The following MAP3K3 variants were observed in gnomAD, a reference collection of about 807,000 sequenced individuals.
MAP3K3 encodes MAP/ERK kinase kinase 3.
In MAP3K3, 12 loss-of-function variants were observed where a neutral mutation model predicts 80.9. The observed-to-expected ratio is 0.15, with a 90% CI of 0.10 to 0.24. The LOEUF (loss-of-function observed/expected upper bound fraction) is 0.24, where lower values mean the gene tolerates loss of function less well. Among genes scored for constraint, MAP3K3 ranks in the 10% least tolerant of loss-of-function variants. The probability of loss-of-function intolerance (pLI) is 1.00; values close to 1 mark genes in which losing one functional copy is unlikely to be tolerated. For missense variants in MAP3K3, 596 were observed against 834.7 expected, an observed-to-expected ratio of 0.71 and a Z score of 3.52; for synonymous variants, 272 against 307.1, an observed-to-expected ratio of 0.89 and a Z score of 1.19.
intron 1 of MAP3K3, among the ~76,000 whole-genome samples, chr17:63,627,481 C>T (rs28667278): frequency 0.034 from 5,182 of 150,582 alleles, 323 homozygotes; most frequent in African/African-American, 0.12. Context: ...TTTGCCCTGT[C>T]ACCTAGGCTT....
At chr17:63,657,479 T>C (rs2034794899) in intron 4 of MAP3K3, among the ~76,000 whole-genome samples, 1 of 152,110 alleles carries the variant, frequency 6.6e-6, no homozygotes, top group African/African-American at 2.4e-5. Context: ...AGTGGTTGCC[T>C]GGGGCTGGAG....
At position 63,667,020 on chromosome 17, in the gene MAP3K3, C is replaced by T; in HGVS notation, c.462C>T (p.Ile154=). 6.2e-7 allele frequency: 1 copy of T among 1,611,880 alleles called. No homozygotes were observed. Among genetic ancestry groups the T allele is most frequent in the Non-Finnish European group, 8.5e-7 (1 of 1,179,524 alleles). Residue 154 remains isoleucine, a synonymous_variant, in exon 6 of 16, where the codon ATC becomes ATT. Coordinates refer to ENST00000361733, the MANE Select transcript of MAP3K3 (RefSeq NM_002401.5). ...AGTCCGCAGGGGATATAAATACTAT[C>T]TACCAGCCCCCCGAGCCCAGAAGCA... ...ASQSAGDINT[I]YQPPEPRSRH... is the part of the protein sequence containing the mutation.
rs1262760437 is a variant in MAP3K3, at chr17:63,696,138, C to G, written c.*2361C>G. 6.9e-6 allele frequency: 1 copy of G among 145,428 alleles called. No individual in the cohort carries two copies. The highest frequency in any genetic ancestry group is 1.6e-5 in the Non-Finnish European group (1 of 64,400). 9.0% of individuals were successfully genotyped at this position (145,428 alleles called of 1,614,324 possible). A position where few individuals can be genotyped will look rare whatever the true frequency, so the allele number is the denominator to read the frequency against. ...CTCTGCCACCCTCCTGCCCCTTCCACCCACCCCAGCTCTATGTCTGTGTCT... is the reference window on the plus strand; with the variant it reads ...CTCTGCCACCCTCCTGCCCCTTCCAGCCACCCCAGCTCTATGTCTGTGTCT... On this transcript the variant is annotated 3_prime_UTR_variant, in exon 16 of 16. Transcript: ENST00000361733.
intron 2 of MAP3K3, among the ~76,000 whole-genome samples, chr17:63,642,525 G>A (rs1160181906): frequency 2.0e-5 from 3 of 151,992 alleles, no homozygotes; most frequent in Non-Finnish European, 2.9e-5. Context: ...AGGCATGGTG[G>A]TGCATGCCTG....
intron 4 of MAP3K3, among the ~76,000 whole-genome samples, chr17:63,656,272 T>C (rs570390488): frequency 6.6e-6 from 1 of 150,840 alleles, no homozygotes; most frequent in Non-Finnish European, 1.5e-5. Flanking sequence ...CTGTGTAAGT[T>C]AATTGGACTT....
intron 6 of MAP3K3, 98 bp from the exon 7 acceptor site, chr17:63,681,668 T>C (rs1012619458): frequency 5.7e-5 from 67 of 1,181,618 alleles, no homozygotes; most frequent in Non-Finnish European, 7.3e-5. Flanking sequence ...CTGAGTCACA[T>C]TCCTGACCTC....
intron 2 of MAP3K3, among the ~76,000 whole-genome samples, chr17:63,640,363 T>A (rs914954137): frequency 6.6e-6 from 1 of 152,140 alleles, no homozygotes; most frequent in East Asian, 1.9e-4. Context: ...ATGGCTAGAT[T>A]GAGTTTGAGA....
Position 63,689,491 on chromosome 17 carries a change from G to A in MAP3K3, c.872-53G>A, listed in dbSNP as rs1252430793. 10 of 1,524,436 alleles carry A rather than the reference G, an allele frequency of 6.6e-6. No homozygotes were observed. Among genetic ancestry groups the A allele is most frequent in the East Asian group, 4.7e-5 (2 of 42,492 alleles). 94.4% of individuals were successfully genotyped at this position (1,524,436 alleles called of 1,614,324 possible). A position where few individuals can be genotyped will look rare whatever the true frequency, so the allele number is the denominator to read the frequency against. On this transcript the variant is annotated intron_variant, in intron 10 of 15. Coordinates refer to ENST00000361733, the MANE Select transcript of MAP3K3 (RefSeq NM_002401.5). This position sits in a 1 kb window ranked among gnomAD's most constrained non-coding sequence, Gnocchi z 4.3. ...GTCTCAGACCTGGTTTGTACGTTCC[G>A]CCTCGTAGCCTGGGGTGTGACTTGC...
chr17:63,686,247 G>T (rs1235676960), intron 8 of MAP3K3, among the ~76,000 whole-genome samples: 1 of 152,166 alleles, frequency 6.6e-6, no homozygotes, highest in Admixed American at 6.5e-5. Flanking sequence ...GAAAAGGTTT[G>T]GGGATTTTTT....
At chr17:63,658,037 G>A in intron 5 of MAP3K3, 130 bp downstream of exon 5, 2 of 449,614 alleles carry the variant, frequency 4.4e-6, no homozygotes, top group South Asian at 4.3e-5. Context: ...GCACAGCACA[G>A]CCCACTTGTC....
chr17:63,660,647 C>A (rs1390757377), intron 5 of MAP3K3, among the ~76,000 whole-genome samples: 1 of 151,318 alleles, frequency 6.6e-6, no homozygotes, highest in East Asian at 1.9e-4. Context: ...GGCTGGAGTG[C>A]AGGGGTGTGA....
At chr17:63,675,265 GA>G (rs35248130) in intron 6 of MAP3K3, among the ~76,000 whole-genome samples, 42,647 of 151,978 alleles carry the variant, frequency 0.28, 6,399 homozygotes, top group Middle Eastern at 0.37. Context: ...TATTGAGAAA[GA>G]AAAAAAGTTT....
At chr17:63,650,501 C>T (rs936651580) in intron 3 of MAP3K3, among the ~76,000 whole-genome samples, 16 of 151,818 alleles carry the variant, frequency 1.1e-4, no homozygotes, top group African/African-American at 3.1e-4. Context: ...TGGGGTTTTC[C>T]CATGTTGGCC....
Position 63,657,833 on chromosome 17 carries a change from G to A in MAP3K3, c.307G>A (p.Ala103Thr). The change falls in exon 5 of 16, where the codon GCA becomes ACA. Residue 103 changes from alanine (A) to threonine (T), a missense_variant. By Grantham distance (58) the Ala-to-Thr change is moderately conservative (BLOSUM62 0). Transcript: ENST00000361733. The part of the protein sequence containing the change: ...LLKNQDDLDK[A>T]IDILDRSSSM... ...GAAAAACCAAGATGATCTTGATAAA[G>A]CAATTGACATTTTAGATAGAAGCTC... 2 of 1,607,066 alleles carry A rather than the reference G, an allele frequency of 1.2e-6. No individual in the cohort carries two copies. Among genetic ancestry groups the A allele is most frequent in the East Asian group, 2.2e-5 (1 of 44,662 alleles).
chr17:63,679,690 C>T lies in MAP3K3; in HGVS notation c.503-2076C>T, dbSNP rs182845214. Among the ~76,000 whole-genome samples the T allele has an allele frequency of 2.3e-3, 357 of 152,240 alleles. 2 individuals carry two copies. The highest frequency in any genetic ancestry group is 8.1e-3 in the African/African-American group (337 of 41,538). On this transcript the variant is annotated intron_variant, in intron 6 of 15. Transcript: ENST00000361733. ...ATGGGGTCTCACCATGTTGCCCATG[C>T]TGGTCTCAAACTCCTGGCCTCAAGC...
intron 1 of MAP3K3, among the ~76,000 whole-genome samples, chr17:63,628,249 T>TA (rs951973108): frequency 6.6e-6 from 1 of 152,100 alleles, no homozygotes; most frequent in Non-Finnish European, 1.5e-5. Context: ...AACAATTATG[T>TA]AAAATCATCC....
At chr17:63,651,058 G>A (rs1300113306) in intron 3 of MAP3K3, among the ~76,000 whole-genome samples, 1 of 151,974 alleles carries the variant, frequency 6.6e-6, no homozygotes, top group Non-Finnish European at 1.5e-5. Context: ...CTTTTCTTCA[G>A]TTATCTCTGA....
At chr17:63,622,940 G>A (rs1452134043) in intron 1 of MAP3K3, among the ~76,000 whole-genome samples, 177 bp downstream of exon 1, 1 of 146,422 alleles carries the variant, frequency 6.8e-6, no homozygotes, top group Non-Finnish European at 1.5e-5. Flanking sequence ...GGCCCGGGCG[G>A]GGGTTCTGGC....
intron 2 of MAP3K3, among the ~76,000 whole-genome samples, chr17:63,633,041 A>G (rs573654180): frequency 6.6e-6 from 1 of 152,236 alleles, no homozygotes; most frequent in Admixed American, 6.5e-5. Flanking sequence ...CAGCCTGGCC[A>G]ACATGGTGAA....
Sources: allele counts gnomAD v4.1 joint callset (sites outside exome capture counted in the v4.1 genomes callset), GRCh38; gene constraint gnomAD v4.1.1; non-coding constraint Gnocchi (gnomAD v3.1); transcripts MANE v1.5; gene names NCBI Gene and HGNC (gene_info 2026-07-23, HGNC 2026-07-21).